The following NAA16 variants were observed in gnomAD, a reference collection of about 807,000 sequenced individuals.
The protein encoded by NAA16 is NARG1-like protein.
Under a neutral mutation model 110.3 loss-of-function variants are expected in NAA16, and 97 were observed. The observed-to-expected ratio is 0.88, with a 90% CI of 0.75 to 1.04. The LOEUF (loss-of-function observed/expected upper bound fraction) is 1.04, where lower values mean the gene tolerates loss of function less well. NAA16 is among the 50% of genes least tolerant of loss of function. NAA16 has a pLI of 0.00. For missense variants in NAA16, 1,017 were observed against 1,005.1 expected (o/e 1.01, Z -0.16); for synonymous variants, 372 against 330.6 (o/e 1.13, Z -1.36).
At chr13:41,372,356 G>C in intron 16 of NAA16, 45 bp downstream of exon 16, 1 of 1,542,682 alleles carries the variant, frequency 6.5e-7, no homozygotes, top group South Asian at 1.3e-5. Flanking sequence ...AATTATATTT[G>C]TGACCATATT....
At chr13:41,350,150 T>C (rs965601325) in intron 9 of NAA16, among the ~76,000 whole-genome samples, 1 of 151,206 alleles carries the variant, frequency 6.6e-6, no homozygotes, top group Non-Finnish European at 1.5e-5. Context: ...GCATTCTAGA[T>C]ACTTGGAAGG....
intron 4 of NAA16, among the ~76,000 whole-genome samples, chr13:41,321,916 T>G (rs908377546): frequency 1.3e-5 from 2 of 152,212 alleles, no homozygotes; most frequent in Non-Finnish European, 2.9e-5. Context: ...AGGGCTCTGC[T>G]GAACTTACTA....
At position 41,367,530 on chromosome 13, in the gene NAA16, T is replaced by A. The variant is rs754017115; in HGVS notation, c.1631T>A (p.Leu544Ter). The stretch of plus-strand genomic sequence containing the variant: ...CGTGCCTATGTTGACCTTTTGAGAT[T>A]AGAAGATATACTCAGAAGACATGCC... ...TLRAYVDLLR[L>*]EDILRRHAFY... Residue 544 changes from leucine to a stop codon, truncating the protein, a stop_gained, in exon 14 of 20, where the codon TTA becomes TAA. Transcript: ENST00000379406. LOFTEE classifies it high-confidence loss of function. 2 of 1,613,370 alleles carry A rather than the reference T, an allele frequency of 1.2e-6. No individual in the cohort carries two copies. The highest frequency in any genetic ancestry group is 1.7e-6 in the Non-Finnish European group (2 of 1,179,614).
In NAA16 at chr13:41,341,998, A is replaced by C. The variant is rs531002468; in HGVS notation, c.1014+5242A>C. On this transcript the variant is annotated intron_variant, in intron 9 of 19. Coordinates refer to ENST00000379406, the MANE Select transcript of NAA16 (RefSeq NM_024561.5). ...AGGCGCCCGCTACCATGCCCGGCTA[A>C]TTTTTTTGTACTTTTAGTAGAGACG... 4.0e-4 allele frequency among the ~76,000 whole-genome samples: 60 copies of C among 149,856 alleles called. No individual in the cohort carries two copies. In the South Asian group the frequency reaches 0.012, roughly 30 times the overall value.
chr13:41,355,111 TTTTTAAATTTTAAAAATA>T lies in NAA16; in HGVS notation c.1015-31_1015-14del. ...AGGTAAAAATACCTTCAAGAAGATA[TTTTTAAATTTTAAAAATA>T]TGTTTCTTTAACAGGTTTCTATAAT... is the stretch of plus-strand genomic sequence containing the variant. On this transcript the variant is annotated splice_polypyrimidine_tract_variant and intron_variant, in intron 9 of 19. Coordinates refer to ENST00000379406, the MANE Select transcript of NAA16 (RefSeq NM_024561.5). 13 of 1,346,776 alleles carry T rather than the reference TTTTTAAATTTTAAAAATA, an allele frequency of 9.7e-6. No homozygotes were observed. Among genetic ancestry groups the T allele is most frequent in the Non-Finnish European group, 1.3e-5 (13 of 965,232 alleles). 83.4% of individuals were successfully genotyped at this position (1,346,776 alleles called of 1,614,324 possible). A position where few individuals can be genotyped will look rare whatever the true frequency, so the allele number is the denominator to read the frequency against.
chr13:41,351,967 T>G (rs2042847966), intron 9 of NAA16, among the ~76,000 whole-genome samples: 1 of 152,232 alleles, frequency 6.6e-6, no homozygotes, highest in African/African-American at 2.4e-5. Flanking sequence ...TTGAGCGAAA[T>G]AAGTCTTATA....
chr13:41,346,987 G>A (rs2042698236), intron 9 of NAA16, among the ~76,000 whole-genome samples: 2 of 152,100 alleles, frequency 1.3e-5, no homozygotes, highest in Admixed American at 1.3e-4. Flanking sequence ...GGGAGGCTGA[G>A]GTGGGTGGAT....
At chr13:41,316,168 C>T (rs1352420084) in intron 1 of NAA16, among the ~76,000 whole-genome samples, 2 of 151,910 alleles carry the variant, frequency 1.3e-5, no homozygotes, top group African/African-American at 2.4e-5. Context: ...CTCATTCAGT[C>T]GCCCAGGCTG....
intron 9 of NAA16, among the ~76,000 whole-genome samples, chr13:41,352,064 A>G (rs9566752): frequency 0.95 from 144,279 of 152,316 alleles, 68,404 homozygotes; most frequent in South Asian, 0.99. Context: ...CCATAAGGCC[A>G]GGGCTGGTGG....
intron 9 of NAA16, among the ~76,000 whole-genome samples, chr13:41,344,009 A>G (rs1472161335): frequency 1.3e-5 from 2 of 152,218 alleles, no homozygotes; most frequent in African/African-American, 4.8e-5. Context: ...CTGTGTTGTT[A>G]TATAATCTTC....
rs770133246 is a variant in NAA16, at chr13:41,325,686, A to C, written c.538-12A>C. The C allele has an allele frequency of 6.5e-7, 1 of 1,528,188 alleles. No homozygotes were observed. Among genetic ancestry groups the C allele is most frequent in the Non-Finnish European group, 8.9e-7 (1 of 1,123,550 alleles). 94.7% of individuals were successfully genotyped at this position (1,528,188 alleles called of 1,614,324 possible). On this transcript the variant is annotated splice_polypyrimidine_tract_variant and intron_variant, in intron 5 of 19. Transcript: ENST00000379406. Reference sequence around the variant, plus strand: ...ATTATACAAATAAAGTAATTTGGTCATTTTTTTTCAGGTTCCTCCAAACAA... The same window carrying C: ...ATTATACAAATAAAGTAATTTGGTCCTTTTTTTTCAGGTTCCTCCAAACAA...
At chr13:41,375,298 C>T (rs1450552631) in intron 19 of NAA16, 107 bp from the exon 20 acceptor site, 1 of 722,218 alleles carries the variant, frequency 1.4e-6, no homozygotes, top group African/African-American at 1.8e-5. Flanking sequence ...TTATTTTAGA[C>T]TGAGGCAGCT....
At chr13:41,311,716 TCGCGGG>T in intron 1 of NAA16, 134 bp downstream of exon 1, 1 of 776,936 alleles carries the variant, frequency 1.3e-6, no homozygotes, top group East Asian at 3.0e-5. Flanking sequence ...ACCTCGGAGG[TCGCGGG>T]ACCCCACTTT....
Position 41,373,626 on chromosome 13 carries a change from T to C in NAA16, c.2156-11T>C. On this transcript the variant is annotated splice_polypyrimidine_tract_variant and intron_variant, in intron 17 of 19. Coordinates refer to ENST00000379406, the MANE Select transcript of NAA16 (RefSeq NM_024561.5). ...CAAAAACAAAAAATCCAAATGTTTT[T>C]GTTTTTATAGTGTCTAATCATAGTA... 6.4e-7 allele frequency: 1 copy of C among 1,564,290 alleles called. No homozygotes were observed. The highest frequency in any genetic ancestry group is 8.6e-7 in the Non-Finnish European group (1 of 1,164,020).
chr13:41,323,157 A>G lies in NAA16; in HGVS notation c.504A>G (p.Leu168=), dbSNP rs774808137. 83 of 1,613,898 alleles carry G rather than the reference A, an allele frequency of 5.1e-5. No homozygotes were observed. Among genetic ancestry groups the G allele is most frequent in the Non-Finnish European group, 6.8e-5 (80 of 1,179,952 alleles). Residue 168 remains leucine, a synonymous_variant, in exon 5 of 20, where the codon CTA becomes CTG. Transcript: ENST00000379406. ...YHLLKDYDMA[L]KLLEEFRQTQ... is the part of the protein sequence containing the mutation. ...TGCTGAAAGATTATGATATGGCCCTAAAACTGTTGGAAGAATTTAGACAAA... is the reference window on the plus strand; with the variant it reads ...TGCTGAAAGATTATGATATGGCCCTGAAACTGTTGGAAGAATTTAGACAAA...
At chr13:41,331,714 A>G (rs1184773692) in intron 8 of NAA16, among the ~76,000 whole-genome samples, 1 of 152,048 alleles carries the variant, frequency 6.6e-6, no homozygotes, top group Non-Finnish European at 1.5e-5. Context: ...TAGAAGGAAT[A>G]AGTTTCAGTG....
intron 8 of NAA16, among the ~76,000 whole-genome samples, chr13:41,333,668 G>A (rs1180091198): frequency 6.6e-6 from 1 of 151,958 alleles, no homozygotes; most frequent in African/African-American, 2.4e-5. Flanking sequence ...AAGAAACCTC[G>A]CTTAGCTTTA....
chr13:41,325,925 T>C, intron 6 of NAA16, 74 bp downstream of exon 6: 1 of 1,244,580 alleles, frequency 8.0e-7, no homozygotes, highest in Non-Finnish European at 1.1e-6. Flanking sequence ...CTCTCCTAAG[T>C]CTTACGTAAC....
chr13:41,316,803 G>A (rs765811550), intron 1 of NAA16, 43 bp from the exon 2 acceptor site: 2 of 1,298,502 alleles, frequency 1.5e-6, no homozygotes, highest in South Asian at 1.2e-5. Context: ...GCTCCATTAT[G>A]TATTCATTTG....
Sources: gnomAD v4.1 joint callset for allele counts (sites outside exome capture counted in the v4.1 genomes callset) on GRCh38, gnomAD v4.1.1 for gene constraint, MANE v1.5 for transcripts, NCBI Gene and HGNC (gene_info 2026-07-23, HGNC 2026-07-21) for gene names.